The following HOMER2 variants were observed in gnomAD, a reference collection of about 807,000 sequenced individuals.
The protein encoded by HOMER2 is homer scaffold protein 2, also known as homer protein homolog 2.
HOMER2 carries 27 observed loss-of-function variants against 47.0 expected under a neutral mutation model. That is an observed-to-expected ratio of 0.57 (90% confidence interval 0.42 to 0.79). The LOEUF is 0.79. HOMER2 is among the 30% of genes least tolerant of loss of function. HOMER2 has a pLI of 0.00. For missense variants in HOMER2, 443 were observed against 435.0 expected (o/e 1.02, Z -0.16); for synonymous variants, 161 against 163.8 (o/e 0.98, Z 0.13).
chr15:82,863,503 A>G (rs1031185085), intron 4 of HOMER2, among the ~76,000 whole-genome samples: 1 of 152,200 alleles, frequency 6.6e-6, no homozygotes, highest in Non-Finnish European at 1.5e-5. Flanking sequence ...CTATCTTGCT[A>G]GTATATCACA....
chr15:82,939,566 G>C (rs1177957025), intron 1 of HOMER2, among the ~76,000 whole-genome samples: 2 of 152,084 alleles, frequency 1.3e-5, no homozygotes, highest in African/African-American at 4.8e-5. Flanking sequence ...ACTACTTGGG[G>C]GGCTGAGGCA....
chr15:82,863,345 G>A (rs767671366), intron 4 of HOMER2, among the ~76,000 whole-genome samples: 2 of 151,954 alleles, frequency 1.3e-5, no homozygotes, highest in Non-Finnish European at 2.9e-5. Context: ...CACTTCCAAC[G>A]TCCACCAACT....
chr15:82,878,563 A>G (rs776797238), intron 2 of HOMER2, among the ~76,000 whole-genome samples: 2 of 152,216 alleles, frequency 1.3e-5, no homozygotes, highest in Non-Finnish European at 2.9e-5. Flanking sequence ...CTCTCCATGA[A>G]TATTGCTTCC....
At chr15:82,921,441 C>T (rs141799957) in intron 1 of HOMER2, among the ~76,000 whole-genome samples, 12 of 152,272 alleles carry the variant, frequency 7.9e-5, no homozygotes, top group African/African-American at 2.4e-4. Flanking sequence ...CCTTTCCCCA[C>T]GCTGATCTGA....
intron 3 of HOMER2, among the ~76,000 whole-genome samples, chr15:82,872,039 G>C (rs1288399872): frequency 1.3e-5 from 2 of 152,118 alleles, no homozygotes; most frequent in Admixed American, 1.3e-4. Flanking sequence ...GGCCTGCCAG[G>C]GATCACGTCT....
chr15:82,945,932 T>C (rs150987582), intron 1 of HOMER2, among the ~76,000 whole-genome samples: 1,685 of 151,096 alleles, frequency 0.011, 11 homozygotes, highest in Non-Finnish European at 0.017. Context: ...ATCGCACCAC[T>C]GCACTCCAGC....
At chr15:82,891,358 G>A (rs1403734306) in intron 2 of HOMER2, among the ~76,000 whole-genome samples, 1 of 152,176 alleles carries the variant, frequency 6.6e-6, no homozygotes, top group Non-Finnish European at 1.5e-5. Context: ...AAGGGCTGTG[G>A]CAACTGGAAG....
At chr15:82,921,648 A>G (rs552340722) in intron 1 of HOMER2, among the ~76,000 whole-genome samples, 64 of 152,148 alleles carry the variant, frequency 4.2e-4, no homozygotes, top group Non-Finnish European at 7.5e-4. Context: ...ACCTCCAATT[A>G]AAGCCCCAGC....
At chr15:82,950,976 G>A (rs746844852) in intron 1 of HOMER2, among the ~76,000 whole-genome samples, 21 of 152,060 alleles carry the variant, frequency 1.4e-4, no homozygotes, top group Admixed American at 2.0e-4. Context: ...TAAAATTACC[G>A]GATCCCTTTT....
intron 1 of HOMER2, among the ~76,000 whole-genome samples, chr15:82,978,755 T>C (rs2030292230): frequency 1.3e-5 from 2 of 152,194 alleles, no homozygotes; most frequent in South Asian, 4.1e-4. Flanking sequence ...GGAGTCTCAC[T>C]CTGTCGCCAG....
intron 1 of HOMER2, 22 bp downstream of exon 1, chr15:82,952,509 C>A (rs1243140274): frequency 5.9e-6 from 7 of 1,189,072 alleles, no homozygotes; most frequent in Non-Finnish European, 3.1e-6. Flanking sequence ...GCGCGGAGAG[C>A]GCGCGGCGCG....
chr15:82,941,260 A>G (rs963735868), intron 1 of HOMER2, among the ~76,000 whole-genome samples: 1 of 151,828 alleles, frequency 6.6e-6, no homozygotes, highest in Non-Finnish European at 1.5e-5. Flanking sequence ...CCTGACCAAC[A>G]TGATGAAACC....
intron 1 of HOMER2, among the ~76,000 whole-genome samples, chr15:82,912,785 T>C (rs2053484983): frequency 6.6e-6 from 1 of 152,170 alleles, no homozygotes; most frequent in Non-Finnish European, 1.5e-5. Context: ...GCCATCCTAC[T>C]GGGTGTGAAG....
intron 3 of HOMER2, among the ~76,000 whole-genome samples, chr15:82,868,521 TTTTA>T (rs1490087460): frequency 1.3e-4 from 2 of 15,516 alleles, no homozygotes; most frequent in Non-Finnish European, 1.9e-4. Context: ...CACTTATTTA[TTTTA>T]TATATATATA....
chr15:82,923,019 G>A (rs2053771247), intron 1 of HOMER2, among the ~76,000 whole-genome samples: 2 of 152,114 alleles, frequency 1.3e-5, no homozygotes, highest in Admixed American at 6.6e-5. Flanking sequence ...TCCAACACCA[G>A]ACTGGGTTCT....
intron 1 of HOMER2, among the ~76,000 whole-genome samples, chr15:82,927,973 C>CAAAAAAAAAAA (rs928406358): frequency 4.2e-4 from 24 of 57,326 alleles, no homozygotes; most frequent in African/African-American, 1.2e-3. Context: ...AACTCCGTCT[C>CAAAAAAAAAAA]AAAAAAAAAA....
At chr15:82,924,341 G>A (rs991714549) in intron 1 of HOMER2, among the ~76,000 whole-genome samples, 2 of 151,444 alleles carry the variant, frequency 1.3e-5, no homozygotes, top group African/African-American at 2.4e-5. Flanking sequence ...TAGACAGCTG[G>A]GGCCCATGTG....
intron 1 of HOMER2, among the ~76,000 whole-genome samples, chr15:82,900,447 T>A (rs7173683): frequency 0.59 from 88,892 of 151,324 alleles, 26,491 homozygotes; most frequent in African/African-American, 0.71. Context: ...CATAATAAAA[T>A]TATTATTTTT....
exon 2 of HOMER2, chr15:82,843,117 G>C (rs1302673521): frequency 6.6e-6 from 1 of 152,064 alleles, no homozygotes; most frequent in African/African-American, 2.4e-5. Context: ...ATAAGATAGT[G>C]GTGAATATTT....
Sources: allele counts gnomAD v4.1 joint callset (sites outside exome capture counted in the v4.1 genomes callset), GRCh38; gene constraint gnomAD v4.1.1; transcripts MANE v1.5; gene names NCBI Gene and HGNC (gene_info 2026-07-23, HGNC 2026-07-21).